The following DGKZ variants were observed in gnomAD, a reference collection of about 807,000 sequenced individuals.
DGKZ encodes DAG kinase zeta.
In DGKZ, 45 loss-of-function variants were observed where a neutral mutation model predicts 142.5. The observed-to-expected ratio is 0.32, with a 90% CI of 0.25 to 0.40. The LOEUF is 0.40. Ranked by LOEUF, DGKZ falls within the 10% of genes least tolerant of loss-of-function variation. The probability of loss-of-function intolerance (pLI) is 1.00; values close to 1 mark genes in which losing one functional copy is unlikely to be tolerated. For synonymous variants in DGKZ, 442 were observed against 527.0 expected (o/e 0.84, Z 2.21); for missense variants, 755 against 1,306.5 (o/e 0.58, Z 6.51).
chr11:46,374,692 T>A (rs1363399573), intron 17 of DGKZ, 26 bp downstream of exon 17: 1 of 1,536,096 alleles, frequency 6.5e-7, no homozygotes, highest in Admixed American at 1.7e-5. Flanking sequence ...CTGCCGTGGG[T>A]GGGTGGGCCG....
intron 1 of DGKZ, among the ~76,000 whole-genome samples, chr11:46,341,054 A>G (rs1940253576): frequency 6.6e-6 from 1 of 152,242 alleles, no homozygotes; most frequent in African/African-American, 2.4e-5. Context: ...AGGCTGAGGC[A>G]GGAGAATCGC....
chr11:46,355,523 TTATC>T (rs1941913563), intron 1 of DGKZ, among the ~76,000 whole-genome samples: 1 of 152,226 alleles, frequency 6.6e-6, no homozygotes, highest in South Asian at 2.1e-4. Context: ...TTAGCCCTAT[TTATC>T]AGATCAGGAA....
intron 27 of DGKZ, chr11:46,378,724 C>A: frequency 1.2e-6 from 1 of 837,282 alleles, no homozygotes; most frequent in Non-Finnish European, 2.0e-6. Flanking sequence ...GTCCACCTGT[C>A]CCTGGTGCTT....
At chr11:46,347,236 A>T (rs1337218385), upstream of DGKZ, among the ~76,000 whole-genome samples, 1 of 152,062 alleles carries the variant, frequency 6.6e-6, no homozygotes. The surrounding 1 kb of genome is among the most constrained non-coding windows in gnomAD (Gnocchi z 6.4). Flanking sequence ...CCAGGCCGGG[A>T]GATTCAGTCC....
rs764946361 is a variant in DGKZ at position 46,379,498 on chromosome 11, C to G, written c.2618C>G (p.Ala873Gly). The G allele has an allele frequency of 1.9e-6, 3 of 1,611,364 alleles. No individual in the cohort carries two copies. In the Admixed American group the frequency reaches 5.0e-5, roughly 27 times the overall value. The change falls in exon 30 of 31, where the codon GCC becomes GGC. Residue 873 changes from alanine (A) to glycine (G), a missense_variant. By Grantham distance (60) the Ala-to-Gly change is moderately conservative. This residue lies in a region of DGKZ where 100 missense variants were observed against 87.7 expected (regional missense o/e 1.14). Coordinates refer to ENST00000527911, the Ensembl canonical transcript of DGKZ. ...GAGACCTGTTTGCACCAAGCAGCGG[C>G]CCTGGGCCAGCGCACCATCTGCCAC... is the stretch of plus-strand genomic sequence containing the variant.
chr11:46,343,080 C>T (rs1025187966), upstream of DGKZ, among the ~76,000 whole-genome samples: 3 of 151,556 alleles, frequency 2.0e-5, no homozygotes, highest in African/African-American at 7.3e-5. Flanking sequence ...GCAGAGATCA[C>T]GCCACTACAC....
At chr11:46,365,325 T>C in intron 1 of DGKZ, 1 of 985,420 alleles carries the variant, frequency 1.0e-6, no homozygotes, top group Non-Finnish European at 1.2e-6. Context: ...TTTCCCGGCA[T>C]CACCCAGCTT....
Position 46,372,382 on chromosome 11 carries a change from C to T in DGKZ, c.928-46C>T, listed in dbSNP as rs377575036. On this transcript the variant is annotated intron_variant, in intron 10 of 30. Coordinates refer to ENST00000527911, the Ensembl canonical transcript of DGKZ. The surrounding 1 kb of genome is among the most constrained non-coding windows in gnomAD (Gnocchi z 5.9). Reference sequence around the variant, plus strand: ...CCCTCTCCCTCTGCTGCTCCCACTTCGTCCCACCACTGCCTGACTGTCTCT... The same window carrying T: ...CCCTCTCCCTCTGCTGCTCCCACTTTGTCCCACCACTGCCTGACTGTCTCT... The T allele has an allele frequency of 2.8e-5, 45 of 1,599,640 alleles. No homozygotes were observed. The highest frequency in any genetic ancestry group is 5.5e-5 in the South Asian group (5 of 90,738).
chr11:46,364,554 A>G lies in DGKZ; in HGVS notation c.162-2737A>G, dbSNP rs1213623567. The G allele has an allele frequency of 1.4e-5, 14 of 985,308 alleles. No individual in the cohort carries two copies. The African/African-American group carries it at 2.4e-4, about 17-fold the overall frequency. 61.0% of individuals were successfully genotyped at this position (985,308 alleles called of 1,614,324 possible). On this transcript the variant is annotated intron_variant, in intron 1 of 30. Transcript: ENST00000527911. ...ATCTGAGGCAGCTGGAAACTCCAAT[A>G]GGCAGAGACCAAGAGCTGAGCTGTG...
chr11:46,378,523 C>G (rs374796626), intron 27 of DGKZ, 23 bp downstream of exon 27: 1 of 1,613,048 alleles, frequency 6.2e-7, no homozygotes, highest in Non-Finnish European at 8.5e-7. Flanking sequence ...GGCTCCAGTT[C>G]CTTCCCCCAG....
rs750900120 is a variant in DGKZ, at chr11:46,378,180, C to A, written c.2343-18C>A. The A allele has an allele frequency of 9.3e-6, 15 of 1,608,108 alleles. No individual in the cohort carries two copies. In the Middle Eastern group the frequency reaches 8.3e-4, roughly 89 times the overall value. On this transcript the variant is annotated intron_variant, in intron 25 of 30. Transcript: ENST00000527911. ...GCCTGTGCCGTAGCCGGTCACAGCACATCATGCTCTGTTGCAGGTCACTGC... is the reference window on the plus strand; with the variant it reads ...GCCTGTGCCGTAGCCGGTCACAGCAAATCATGCTCTGTTGCAGGTCACTGC...
chr11:46,335,062 C>G (rs1939948119), intron 1 of DGKZ, among the ~76,000 whole-genome samples: 1 of 152,096 alleles, frequency 6.6e-6, no homozygotes, highest in South Asian at 2.1e-4. Context: ...ACCTGTAATT[C>G]CAGCACTTTG....
intron 1 of DGKZ, among the ~76,000 whole-genome samples, chr11:46,362,502 G>A (rs537717097): frequency 3.5e-4 from 53 of 152,266 alleles, no homozygotes; most frequent in African/African-American, 1.3e-3. Context: ...GGTGTCTATG[G>A]TGGGTGTAGG....
intron 1 of DGKZ, chr11:46,365,735 C>T (rs1943175711): frequency 2.0e-6 from 2 of 985,448 alleles, no homozygotes; most frequent in Non-Finnish European, 2.4e-6. Context: ...TGAGGGGACA[C>T]CTAACCTGCC....
At chr11:46,377,417 C>T (rs1944674931) in intron 25 of DGKZ, 1 of 965,652 alleles carries the variant, frequency 1.0e-6, no homozygotes, top group East Asian at 3.0e-5. Context: ...TCCCTGACTT[C>T]TCCCTCCTCT....
chr11:46,373,620 C>T (rs1944233080), intron 14 of DGKZ, among the ~76,000 whole-genome samples: 1 of 152,040 alleles, frequency 6.6e-6, no homozygotes, highest in Non-Finnish European at 1.5e-5. Flanking sequence ...CCGTCAGCCT[C>T]CTGAGTAGCT....
intron 1 of DGKZ, among the ~76,000 whole-genome samples, chr11:46,355,435 C>A (rs539157133): frequency 8.5e-5 from 13 of 152,210 alleles, no homozygotes; most frequent in Non-Finnish European, 1.5e-4. Context: ...TTTCAGTAAA[C>A]TGGGGAATTG....
chr11:46,365,592 CCT>C lies in DGKZ; in HGVS notation c.162-1694_162-1693del, dbSNP rs1229057727. On this transcript the variant is annotated intron_variant, in intron 1 of 30. Coordinates refer to ENST00000527911, the Ensembl canonical transcript of DGKZ. Reference sequence around the variant, plus strand: ...GTCTCCCCTGAGCTACACATTAGACCCTCTCTATTTCCAGGAGTCACCTTCAG... The same window carrying C: ...GTCTCCCCTGAGCTACACATTAGACCCTCTATTTCCAGGAGTCACCTTCAG... 3.0e-6 allele frequency: 3 copies of C among 985,278 alleles called. No homozygotes were observed. The African/African-American group carries it at 5.2e-5, about 17-fold the overall frequency. The allele number at this position is 985,278 out of a possible 1,614,324, so 61.0% of individuals were successfully genotyped here. A position where few individuals can be genotyped will look rare whatever the true frequency, so the allele number is the denominator to read the frequency against.
intron 1 of DGKZ, chr11:46,366,483 G>A: frequency 6.3e-7 from 1 of 1,575,706 alleles, no homozygotes; most frequent in Non-Finnish European, 8.6e-7. Flanking sequence ...CGGCGCTCCA[G>A]CACTGTGCCC....
Sources: allele counts gnomAD v4.1 joint callset (sites outside exome capture counted in the v4.1 genomes callset), GRCh38; gene constraint gnomAD v4.1.1; regional missense constraint gnomAD v4.1.1; non-coding constraint Gnocchi (gnomAD v3.1); transcripts MANE v1.5; gene names NCBI Gene and HGNC (gene_info 2026-07-23, HGNC 2026-07-21).